Variants in GREB1 observed in about 807,000 individuals in gnomAD.
GREB1 encodes the protein growth regulating estrogen receptor binding 1, also known as protein GREB1.
In GREB1, 106 loss-of-function variants were observed where a neutral mutation model predicts 200.7. That is an observed-to-expected ratio of 0.53 (90% CI 0.45 to 0.62). GREB1 has a LOEUF of 0.62. GREB1 is among the 20% of genes least tolerant of loss of function. The probability of loss-of-function intolerance (pLI) is 0.00; values close to 1 mark genes in which losing one functional copy is unlikely to be tolerated. For synonymous variants in GREB1, 1,132 were observed against 1,092.4 expected, an observed-to-expected ratio of 1.04 and a Z score of -0.72; for missense variants, 2,243 against 2,556.8, an observed-to-expected ratio of 0.88 and a Z score of 2.65.
chr2:11,509,403 T>C (rs1483578720), intron 1 of GREB1, among the ~76,000 whole-genome samples: 1 of 152,194 alleles, frequency 6.6e-6, no homozygotes, highest in Non-Finnish European at 1.5e-5. Context: ...TTTGTTAGCT[T>C]ATTTGAAGCA....
chr2:11,598,032 A>G, intron 14 of GREB1, 54 bp downstream of exon 14: 1 of 1,296,262 alleles, frequency 7.7e-7, no homozygotes, highest in Admixed American at 1.7e-5. Flanking sequence ...ATCTGCCGAA[A>G]TCCATGTGTG....
At position 11,633,550 on chromosome 2, in the gene GREB1, C is replaced by T. The variant is rs996252808; in HGVS notation, c.4991+487C>T. On this transcript the variant is annotated intron_variant, in intron 28 of 32. Transcript: ENST00000381486. This position sits in a 1 kb window ranked among gnomAD's most constrained non-coding sequence, Gnocchi z 4.1. ...CTGCACTCCAGCCTGGCAGACAGAG[C>T]GAGACTCCGTCTAAAAAAAAAAAAA... is the stretch of plus-strand genomic sequence containing the variant. 2.1e-5 allele frequency among the ~76,000 whole-genome samples: 3 copies of T among 144,570 alleles called. No homozygotes were observed. The highest frequency in any genetic ancestry group is 3.0e-5 in the Non-Finnish European group (2 of 66,596). 94.8% of individuals were successfully genotyped at this position (144,570 alleles called of 152,430 possible). A position where few individuals can be genotyped will look rare whatever the true frequency, so the allele number is the denominator to read the frequency against.
rs148523315 is a variant in GREB1, at chr2:11,514,377, A to C, written c.-159+31996A>C. On this transcript the variant is annotated intron_variant, in intron 1 of 2. Transcript: ENST00000628795. ...TGCATTGTTGAACTTGGGATTCACC[A>C]GTTGGAGACTCTGACTCCAGATCCT... is the stretch of plus-strand genomic sequence containing the variant. Among the ~76,000 whole-genome samples, 75 of 152,340 alleles carry C rather than the reference A, an allele frequency of 4.9e-4. 1 individual carries two copies. The South Asian group carries it at 0.016, about 32-fold the overall frequency.
chr2:11,630,163 G>C lies in GREB1; in HGVS notation c.4611+54G>C, dbSNP rs1684772052. 2.6e-6 allele frequency: 4 copies of C among 1,565,240 alleles called. No individual in the cohort carries two copies. In the South Asian group the frequency reaches 4.6e-5, roughly 18 times the overall value. On this transcript the variant is annotated intron_variant, in intron 26 of 32. Transcript: ENST00000381486. ...ATCCAAGTGGCTTCAACTGGGGACTGAGCCGGGGACTAGAGACAGAGCTTC... is the reference window on the plus strand; with the variant it reads ...ATCCAAGTGGCTTCAACTGGGGACTCAGCCGGGGACTAGAGACAGAGCTTC...
At chr2:11,615,876 G>C (rs958794244) in intron 20 of GREB1, among the ~76,000 whole-genome samples, 1 of 152,230 alleles carries the variant, frequency 6.6e-6, no homozygotes, top group South Asian at 2.1e-4. Context: ...AGCATTTGTG[G>C]AGTGTGTGGA....
chr2:11,602,120 A>G (rs1681834334), intron 16 of GREB1, among the ~76,000 whole-genome samples: 1 of 152,236 alleles, frequency 6.6e-6, no homozygotes, highest in Admixed American at 6.5e-5. Context: ...AAAGAAATGT[A>G]TATGTTAAAA....
At chr2:11,610,039 G>A (rs1465285274) in intron 17 of GREB1, among the ~76,000 whole-genome samples, 2 of 152,196 alleles carry the variant, frequency 1.3e-5, no homozygotes, top group South Asian at 2.1e-4. Context: ...ACGGGTCAGA[G>A]CCACTCTAGG....
At chr2:11,614,947 C>G (rs979029223) in intron 19 of GREB1, 144 bp from the exon 20 acceptor site, 2 of 654,832 alleles carry the variant, frequency 3.1e-6, no homozygotes, top group Admixed American at 4.9e-5. Context: ...CCCAGTAACA[C>G]TGTTGGCTTT....
intron 19 of GREB1, 125 bp from the exon 20 acceptor site, chr2:11,614,966 T>A: frequency 1.4e-6 from 1 of 713,770 alleles, no homozygotes; most frequent in East Asian, 2.5e-5. Flanking sequence ...TTTCCACTTG[T>A]ACGAGTCCTT....
chr2:11,602,812 A>G (rs556243533), intron 17 of GREB1, among the ~76,000 whole-genome samples: 7 of 152,354 alleles, frequency 4.6e-5, no homozygotes, highest in African/African-American at 1.4e-4. Flanking sequence ...TTTTGAGCCA[A>G]TGGAGGGTAG....
intron 1 of GREB1, among the ~76,000 whole-genome samples, chr2:11,502,665 G>A (rs1166332824): frequency 1.3e-5 from 2 of 152,102 alleles, no homozygotes; most frequent in African/African-American, 4.8e-5. Flanking sequence ...CAAGGAGGAA[G>A]ATAAACTTTT....
At chr2:11,634,923 G>GT (rs919729904) in intron 29 of GREB1, among the ~76,000 whole-genome samples, 4 of 152,214 alleles carry the variant, frequency 2.6e-5, no homozygotes, top group African/African-American at 7.2e-5. Context: ...ACCCTGGGAG[G>GT]TTTTTTGTTG....
intron 17 of GREB1, among the ~76,000 whole-genome samples, chr2:11,605,133 A>G (rs1406382034): frequency 1.7e-5 from 2 of 116,224 alleles, no homozygotes; most frequent in Admixed American, 1.1e-4. Context: ...GCTGGGCACC[A>G]GAGCCTGCTT....
In GREB1 at chr2:11,618,703, C is replaced by T. The variant is rs1489410595; in HGVS notation, c.3828C>T (p.Gly1276=). ...TGGTTGTGTCCACTGACAGCAGTGG[C>T]CTGCCCAAGGCCGCCTCCCTCCTGC... ...YDMVVSTDSS[G]LPKAASLLPS... The change falls in exon 22 of 33, where the codon GGC becomes GGT. Residue 1276 remains glycine, a synonymous_variant. Transcript: ENST00000381486. The T allele has an allele frequency of 6.2e-7, 1 of 1,613,688 alleles. No homozygotes were observed. Among genetic ancestry groups the T allele is most frequent in the South Asian group, 1.1e-5 (1 of 91,056 alleles).
In GREB1 at chr2:11,620,995, G is replaced by A. The variant is rs1683965115; in HGVS notation, c.4135G>A (p.Glu1379Lys). The A allele has an allele frequency of 1.3e-6, 2 of 1,598,532 alleles. No homozygotes were observed. Among genetic ancestry groups the A allele is most frequent in the Non-Finnish European group, 1.7e-6 (2 of 1,165,748 alleles). ...LTEVDVYDEE[E>K]ININLREESD... ...AGAAGTGGATGTCTATGACGAGGAG[G>A]AGATCAATATCAGTGAGTTATCTGT... is the stretch of plus-strand genomic sequence containing the variant. Residue 1379 changes from glutamate to lysine, a missense_variant, in exon 23 of 33, where the codon GAG becomes AAG. Physicochemically the swap from Glu to Lys is moderately conservative, Grantham distance 56. This residue lies in a region of GREB1 where 587 missense variants were observed against 553.1 expected (regional missense o/e 1.06). Coordinates refer to ENST00000381486, the MANE Select transcript of GREB1 (RefSeq NM_014668.4).
chr2:11,596,047 G>A (rs938487350), intron 12 of GREB1, 64 bp from the exon 13 acceptor site: 221 of 1,516,852 alleles, frequency 1.5e-4, no homozygotes, highest in African/African-American at 1.4e-3. Flanking sequence ...CACTAACTGC[G>A]CTGTAGATGT....
intron 9 of GREB1, chr2:11,587,741 A>ACACACACACACGTGCG: frequency 2.6e-6 from 2 of 772,876 alleles, no homozygotes; most frequent in African/African-American, 3.6e-5. Flanking sequence ...ACACACACAC[A>ACACACACACACGTGCG]CGCCACCTTT....
At chr2:11,495,543 G>T (rs1448779050) in intron 1 of GREB1, among the ~76,000 whole-genome samples, 1 of 152,008 alleles carries the variant, frequency 6.6e-6, no homozygotes, top group Non-Finnish European at 1.5e-5. Flanking sequence ...TTGGGGTCAT[G>T]CACTGTTCCA....
chr2:11,584,968 C>T (rs13432243), intron 7 of GREB1, 193 bp from the exon 8 acceptor site: 17,140 of 465,624 alleles, frequency 0.037, 1,895 homozygotes, highest in African/African-American at 0.27. Context: ...CGGTCCAGGT[C>T]GGAATGAAAC....
Sources: gnomAD v4.1 joint callset for allele counts (sites outside exome capture counted in the v4.1 genomes callset) on GRCh38, gnomAD v4.1.1 for gene constraint, gnomAD v4.1.1 regional missense constraint, Gnocchi (gnomAD v3.1) non-coding constraint, MANE v1.5 for transcripts, NCBI Gene and HGNC (gene_info 2026-07-23, HGNC 2026-07-21) for gene names.